DAPK3: variants seen among roughly 807,000 people sequenced by gnomAD.
DAPK3 encodes death-associated protein kinase 3.
In DAPK3, 24 loss-of-function variants were observed where a neutral mutation model predicts 30.6. That is an observed-to-expected ratio of 0.78 (90% CI 0.57 to 1.10). The LOEUF (loss-of-function observed/expected upper bound fraction) is 1.10. Among genes scored for constraint, DAPK3 ranks in the 50% least tolerant of loss-of-function variants. The pLI is 0.00. For missense variants in DAPK3, 629 were observed against 657.3 expected (o/e 0.96, Z 0.47); for synonymous variants, 341 against 284.0 (o/e 1.20, Z -2.02).
intron 6 of DAPK3, chr19:3,961,830 G>A (rs896789370): frequency 4.6e-5 from 11 of 241,596 alleles, no homozygotes; most frequent in East Asian, 2.8e-4. Context: ...AGTGGAAAAC[G>A]GGGGTGTCTA....
In DAPK3 at chr19:3,969,828, C is replaced by T. The variant is rs1156315420; in HGVS notation, c.-93G>A. On this transcript the variant is annotated splice_region_variant and 5_prime_UTR_variant, in exon 2 of 9. Coordinates refer to ENST00000545797, the MANE Select transcript of DAPK3 (RefSeq NM_001348.3). ...GACCTCAGGAGTCCCCTAATGGCAACCCTGGAGAAGACAGGGAAAGACAGA... is the reference window on the plus strand; with the variant it reads ...GACCTCAGGAGTCCCCTAATGGCAATCCTGGAGAAGACAGGGAAAGACAGA... 2 of 832,520 alleles carry T rather than the reference C, an allele frequency of 2.4e-6. No homozygotes were observed. Among genetic ancestry groups the T allele is most frequent in the Non-Finnish European group, 4.1e-6 (2 of 490,488 alleles). 51.6% of individuals were successfully genotyped at this position (832,520 alleles called of 1,614,324 possible). A position where few individuals can be genotyped will look rare whatever the true frequency, so the allele number is the denominator to read the frequency against.
chr19:3,963,783 A>G, intron 5 of DAPK3, 88 bp downstream of exon 5: 2 of 1,238,192 alleles, frequency 1.6e-6, no homozygotes, highest in Non-Finnish European at 2.3e-6. Flanking sequence ...CCCCAACAGC[A>G]GCAAGGCCCC....
chr19:3,970,018 C>A, intron 1 of DAPK3, 189 bp from the exon 2 acceptor site: 1 of 448,938 alleles, frequency 2.2e-6, no homozygotes, highest in Non-Finnish European at 3.9e-6. Flanking sequence ...GCCCCATAAC[C>A]ACTCAAAAGT....
At chr19:3,962,776 A>C (rs2039532132) in intron 6 of DAPK3, among the ~76,000 whole-genome samples, 1 of 121,180 alleles carries the variant, frequency 8.3e-6, no homozygotes. Context: ...AACAAGAGCG[A>C]AACTCTGTCT....
intron 2 of DAPK3, among the ~76,000 whole-genome samples, chr19:3,966,961 G>A (rs186873810): frequency 7.9e-5 from 12 of 152,302 alleles, no homozygotes; most frequent in African/African-American, 2.9e-4. Context: ...CTCCCCAAGA[G>A]CTGAGCCCAC....
chr19:3,964,389 G>T lies in DAPK3; in HGVS notation c.424-16C>A. The T allele has an allele frequency of 6.2e-7, 1 of 1,607,122 alleles. No homozygotes were observed. Among genetic ancestry groups the T allele is most frequent in the South Asian group, 1.1e-5 (1 of 90,922 alleles). ...TGTTTTCCGGCTGGGGTGGGAGGAGGCTCAGCAGGGAAAGCACGGGCCTCC... is the reference window on the plus strand; with the variant it reads ...TGTTTTCCGGCTGGGGTGGGAGGAGTCTCAGCAGGGAAAGCACGGGCCTCC... On this transcript the variant is annotated splice_polypyrimidine_tract_variant and intron_variant, in intron 3 of 8. Transcript: ENST00000545797.
chr19:3,969,591 AGG>A lies in DAPK3; in HGVS notation c.62+81_62+82del, dbSNP rs2039614076. 1.7e-5 allele frequency: 15 copies of A among 887,154 alleles called. No homozygotes were observed. In the South Asian group the frequency reaches 2.0e-4, roughly 12 times the overall value. 55.0% of individuals were successfully genotyped at this position (887,154 alleles called of 1,614,324 possible). On this transcript the variant is annotated intron_variant, in intron 2 of 8. Transcript: ENST00000545797. The stretch of plus-strand genomic sequence containing the variant: ...CTTCTCAGCATACAGGATAAAGAAC[AGG>A]AAAGGAGAGCTGCTGTTCAGAAAAC...
rs766945853 is a variant in DAPK3, at chr19:3,959,160, C to A, written c.1306G>T (p.Asp436Tyr). ...TCCTGCTCCAGGGCGCGCACGAGGTCCTGCACGAAGCGCATCTCGGAGGCT... is the reference window on the plus strand; with the variant it reads ...TCCTGCTCCAGGGCGCGCACGAGGTACTGCACGAAGCGCATCTCGGAGGCT... ...QVASEMRFVQ[D>Y]LVRALEQEKL... Residue 436 changes from aspartate to tyrosine, a missense_variant, in exon 9 of 9, where the codon GAC becomes TAC. Asp to Tyr is a radical substitution (Grantham distance 160). Transcript: ENST00000545797. 1 of 1,594,014 alleles carries A rather than the reference C, an allele frequency of 6.3e-7. No individual in the cohort carries two copies. The highest frequency in any genetic ancestry group is 1.1e-5 in the South Asian group (1 of 89,680).
chr19:3,966,439 G>C (rs1181841057), intron 2 of DAPK3, among the ~76,000 whole-genome samples: 1 of 152,174 alleles, frequency 6.6e-6, no homozygotes, highest in African/African-American at 2.4e-5. Context: ...CCAGTCCACA[G>C]GGCTCTGAAC....
intron 2 of DAPK3, among the ~76,000 whole-genome samples, chr19:3,969,359 C>T (rs1355841138): frequency 6.6e-6 from 1 of 152,036 alleles, no homozygotes; most frequent in African/African-American, 2.4e-5. Flanking sequence ...GTTGCCCAGG[C>T]AGAAGACACA....
In DAPK3 at chr19:3,959,321, C is replaced by G. The variant is rs763032380; in HGVS notation, c.1145G>C (p.Arg382Pro). The change falls in exon 9 of 9, where the codon CGG (arginine) becomes CCG (proline). Residue 382 changes from arginine to proline, a missense_variant. Coordinates refer to ENST00000545797, the MANE Select transcript of DAPK3 (RefSeq NM_001348.3). ...DSLGQDLRRL[R>P]QELLKTEALK... ...CGCCTCGGTCTTGAGCAGCTCCTGC[C>G]GTAGCCTCCGCAGGTCCTGGCCCAG... The G allele has an allele frequency of 8.2e-5, 131 of 1,592,870 alleles. No homozygotes were observed. The highest frequency in any genetic ancestry group is 1.1e-4 in the Non-Finnish European group (125 of 1,176,566).
chr19:3,964,577 C>CAA, intron 3 of DAPK3, 54 bp downstream of exon 3: 28 of 1,436,374 alleles, frequency 1.9e-5, no homozygotes, highest in Non-Finnish European at 2.5e-5. Context: ...TTCCCCGCCC[C>CAA]ATCCCCACCC....
chr19:3,958,720 C>G lies in DAPK3; in HGVS notation c.*381G>C, dbSNP rs1041798540. 4.9e-6 allele frequency: 2 copies of G among 404,750 alleles called. No individual in the cohort carries two copies. Among genetic ancestry groups the G allele is most frequent in the Non-Finnish European group, 9.4e-6 (2 of 212,428 alleles). 25.1% of individuals were successfully genotyped at this position (404,750 alleles called of 1,614,324 possible). A position where few individuals can be genotyped will look rare whatever the true frequency, so the allele number is the denominator to read the frequency against. On this transcript the variant is annotated 3_prime_UTR_variant, in exon 9 of 9. Coordinates refer to ENST00000545797, the MANE Select transcript of DAPK3 (RefSeq NM_001348.3). The stretch of plus-strand genomic sequence containing the variant: ...CTAATGGCAGCAACAGGCAGCACCC[C>G]GCCGAATTGTCCGTGCAACTACCCG...
In DAPK3 at chr19:3,964,708, C is replaced by A; in HGVS notation, c.346G>T (p.Ala116Ser). 1 of 1,612,570 alleles carries A rather than the reference C, an allele frequency of 6.2e-7. No individual in the cohort carries two copies. The highest frequency in any genetic ancestry group is 8.5e-7 in the Non-Finnish European group (1 of 1,179,494). Reference protein sequence around the residue: ...AEKESLTEDEATQFLKQILDG... With the variant: ...AEKESLTEDESTQFLKQILDG... The stretch of plus-strand genomic sequence containing the variant: ...AGGATCTGCTTGAGGAACTGGGTGG[C>A]CTCGTCCTCCGTCAGCGACTCCTTC... The change falls in exon 3 of 9, where the codon GCC becomes TCC. Residue 116 changes from alanine to serine, a missense_variant. Physicochemically the swap from Ala to Ser is moderately conservative, Grantham distance 99. Transcript: ENST00000545797.
chr19:3,964,280 C>T lies in DAPK3; in HGVS notation c.517G>A (p.Glu173Lys). The change falls in exon 4 of 9, where the codon GAG becomes AAG. Residue 173 changes from glutamate to lysine, a missense_variant. Glu to Lys is a moderately conservative substitution (Grantham distance 56). This residue lies in a region of DAPK3 where 306 missense variants were observed against 378.5 expected (regional missense o/e 0.81). Transcript: ENST00000545797. ...GIAHKIEAGN[E>K]FKNIFGTPEF... ...GGGGTGCCGAAGATGTTCTTGAACT[C>T]GTTCCCCGCCTCGATCTTGTGCGCG... The T allele has an allele frequency of 1.9e-6, 3 of 1,613,624 alleles. No homozygotes were observed. Among genetic ancestry groups the T allele is most frequent in the South Asian group, 1.1e-5 (1 of 91,072 alleles).
intron 4 of DAPK3, 101 bp from the exon 5 acceptor site, chr19:3,964,020 C>G (rs1164644072): frequency 2.4e-5 from 21 of 887,656 alleles, no homozygotes; most frequent in Non-Finnish European, 3.7e-5. Context: ...TGTCGCAGCC[C>G]TTGGGGGCAT....
chr19:3,967,656 G>A (rs921264629), intron 2 of DAPK3, among the ~76,000 whole-genome samples: 3 of 152,196 alleles, frequency 2.0e-5, no homozygotes, highest in African/African-American at 7.2e-5. Flanking sequence ...TTGGAAGGCT[G>A]AAGCAGGAGA....
chr19:3,961,100 C>T lies in DAPK3; in HGVS notation c.691G>A (p.Ala231Thr). ...TKQETLTNISAVNYDFDEEYF... is the reference protein window; with the variant it reads ...TKQETLTNISTVNYDFDEEYF... The stretch of plus-strand genomic sequence containing the variant: ...TCCTCGTCGAAGTCGTAGTTCACGG[C>T]TGAGATGTTGGTGAGCGTCTCCTGC... The change falls in exon 7 of 9, where the codon GCC (alanine) becomes ACC (threonine). Residue 231 changes from alanine (A) to threonine (T), a missense_variant. Around this residue, in one of 2 missense-constraint regions of DAPK3, gnomAD observed 306 missense variants for 378.5 expected, o/e 0.81. Transcript: ENST00000545797. 1 of 1,613,732 alleles carries T rather than the reference C, an allele frequency of 6.2e-7. No homozygotes were observed. The highest frequency in any genetic ancestry group is 8.5e-7 in the Non-Finnish European group (1 of 1,179,898).
Position 3,959,646 on chromosome 19 carries a change from G to A in DAPK3, c.829-9C>T. 5 of 1,568,178 alleles carry A rather than the reference G, an allele frequency of 3.2e-6. No homozygotes were observed. The highest frequency in any genetic ancestry group is 4.3e-6 in the Non-Finnish European group (5 of 1,162,448). On this transcript the variant is annotated splice_polypyrimidine_tract_variant and intron_variant, in intron 8 of 8. Coordinates refer to ENST00000545797, the MANE Select transcript of DAPK3 (RefSeq NM_001348.3). ...TTCCGCCGCCGGATCGCCTAGGAAG[G>A]AGGGAAGCCTGAGCGGGGTCCCCGC...
Sources: gnomAD v4.1 joint callset for allele counts (sites outside exome capture counted in the v4.1 genomes callset) on GRCh38, gnomAD v4.1.1 for gene constraint, gnomAD v4.1.1 regional missense constraint, MANE v1.5 for transcripts, NCBI Gene and HGNC (gene_info 2026-07-23, HGNC 2026-07-21) for gene names.